QKI: variants seen among roughly 807,000 people sequenced by gnomAD.
QKI encodes QKI, KH domain containing RNA binding.
Under a neutral mutation model 39.0 loss-of-function variants are expected in QKI, and 10 were observed. The ratio of observed to expected loss-of-function variants is 0.26; its 90% CI spans 0.16 to 0.43. QKI has a LOEUF of 0.43. Ranked by LOEUF, QKI falls within the 20% of genes least tolerant of loss-of-function variation. The pLI is 1.00. For missense variants in QKI, 218 were observed against 428.0 expected (o/e 0.51, Z 4.33); for synonymous variants, 204 against 155.4 (o/e 1.31, Z -2.33).
rs557300894 is a variant in QKI, at chr6:163,576,984, A to G, written c.*6274A>G. 6.6e-5 allele frequency: 10 copies of G among 152,298 alleles called. No individual in the cohort carries two copies. Among genetic ancestry groups the G allele is most frequent in the Non-Finnish European group, 1.5e-4 (10 of 68,016 alleles). The allele number at this position is 152,298 out of a possible 1,614,324, so 9.4% of individuals were successfully genotyped here. A position where few individuals can be genotyped will look rare whatever the true frequency, so the allele number is the denominator to read the frequency against. On this transcript the variant is annotated 3_prime_UTR_variant, in exon 8 of 8. Transcript: ENST00000361752. ...ATCTTTAATAAATGGTACAGTTTTT[A>G]TGTAGTTTTCGAATGTAAGAAGAAA...
chr6:163,501,178 C>T (rs1288111581), intron 3 of QKI, among the ~76,000 whole-genome samples: 3 of 151,732 alleles, frequency 2.0e-5, no homozygotes, highest in Admixed American at 6.6e-5. Flanking sequence ...TGAATTAAGG[C>T]GTGTTCTTTG....
intron 3 of QKI, among the ~76,000 whole-genome samples, chr6:163,527,607 CAG>C (rs1780594645): frequency 6.6e-6 from 1 of 152,106 alleles, no homozygotes; most frequent in South Asian, 2.1e-4. Context: ...GTTGTTCAAA[CAG>C]ATATTGTAAT....
At chr6:163,509,851 A>G (rs1478167368) in intron 3 of QKI, among the ~76,000 whole-genome samples, 1 of 152,172 alleles carries the variant, frequency 6.6e-6, no homozygotes, top group Non-Finnish European at 1.5e-5. Flanking sequence ...CAAAAATTCC[A>G]TTAAATAGAA....
intron 6 of QKI, 52 bp downstream of exon 6, chr6:163,563,771 G>A (rs201095923): frequency 6.5e-7 from 1 of 1,549,114 alleles, no homozygotes; most frequent in East Asian, 2.3e-5. Context: ...AAATATTTTT[G>A]CTCCCTCAGA....
chr6:163,522,238 T>C (rs1363641447), intron 3 of QKI, among the ~76,000 whole-genome samples: 2 of 152,176 alleles, frequency 1.3e-5, no homozygotes, highest in Admixed American at 1.3e-4. Context: ...ACTCCCTCAA[T>C]TGCAAATAAA....
In QKI at chr6:163,555,509, C is replaced by CAAAAAAA. The variant is rs55958646; in HGVS notation, c.547-6458_547-6452dup. On this transcript the variant is annotated intron_variant, in intron 4 of 7. Transcript: ENST00000361752. ...CTAGCGACAGAGCGAAACTCCAGCT[C>CAAAAAAA]AAAAAAAAAAAAAAAAAAAAAGCCT... 1.5e-4 allele frequency among the ~76,000 whole-genome samples: 12 copies of CAAAAAAA among 79,378 alleles called. 2 individuals carry two copies. The highest frequency in any genetic ancestry group is 3.6e-4 in the East Asian group (1 of 2,806). 52.1% of individuals were successfully genotyped at this position (79,378 alleles called of 152,430 possible). A position where few individuals can be genotyped will look rare whatever the true frequency, so the allele number is the denominator to read the frequency against.
chr6:163,524,719 G>A (rs905251564), intron 3 of QKI, among the ~76,000 whole-genome samples: 8 of 151,948 alleles, frequency 5.3e-5, no homozygotes, highest in Admixed American at 2.0e-4. Context: ...TACCTGCCCC[G>A]GCCTCCCAAA....
intron 3 of QKI, among the ~76,000 whole-genome samples, chr6:163,526,505 G>T (rs1236426718): frequency 1.3e-5 from 2 of 152,142 alleles, no homozygotes; most frequent in African/African-American, 2.4e-5. Flanking sequence ...TTTTATGTGG[G>T]TGCTTGTTAG....
At chr6:163,424,937 A>G (rs891590926) in intron 1 of QKI, among the ~76,000 whole-genome samples, 2 of 152,150 alleles carry the variant, frequency 1.3e-5, no homozygotes, top group South Asian at 2.1e-4. Flanking sequence ...GGCCTGCGTC[A>G]TCTGCTTTCT....
At chr6:163,429,344 TC>T (rs919895187) in intron 1 of QKI, among the ~76,000 whole-genome samples, 10 of 151,566 alleles carry the variant, frequency 6.6e-5, no homozygotes, top group East Asian at 3.9e-4. Flanking sequence ...TTCCTTGTAG[TC>T]CCCCCCCACC....
At chr6:163,479,365 TC>T (rs1339941460) in intron 3 of QKI, among the ~76,000 whole-genome samples, 8 of 152,234 alleles carry the variant, frequency 5.3e-5, no homozygotes, top group African/African-American at 9.6e-5. Flanking sequence ...CCCTTGTTTT[TC>T]TTTTTTCTTT....
At chr6:163,422,178 A>T (rs1320792855) in intron 1 of QKI, among the ~76,000 whole-genome samples, 1 of 152,116 alleles carries the variant, frequency 6.6e-6, no homozygotes, top group Non-Finnish European at 1.5e-5. Flanking sequence ...AATTAGCAAG[A>T]AAAGGACTGC....
chr6:163,479,419 T>C (rs1378563084), intron 3 of QKI, among the ~76,000 whole-genome samples: 2 of 152,232 alleles, frequency 1.3e-5, no homozygotes, highest in Non-Finnish European at 2.9e-5. Context: ...TCACCCAGGC[T>C]GGAGTGCAGT....
At chr6:163,445,828 A>G (rs949445108) in intron 1 of QKI, among the ~76,000 whole-genome samples, 1 of 152,102 alleles carries the variant, frequency 6.6e-6, no homozygotes, top group African/African-American at 2.4e-5. Context: ...GTTAGCCAGG[A>G]TGGTCTCGAT....
chr6:163,517,094 T>TCTCTCTCTCTAG (rs796976137), intron 3 of QKI, among the ~76,000 whole-genome samples: 25 of 149,546 alleles, frequency 1.7e-4, no homozygotes, highest in African/African-American at 6.4e-4. Context: ...TCTCTCTCTC[T>TCTCTCTCTCTAG]CTCTCTCTAG....
intron 2 of QKI, among the ~76,000 whole-genome samples, chr6:163,472,855 G>A (rs1002492560): frequency 2.4e-4 from 37 of 152,148 alleles, no homozygotes; most frequent in African/African-American, 8.7e-4. Flanking sequence ...CAGCTTAGAG[G>A]TATATGTAAA....
At chr6:163,446,499 G>A (rs1034369683) in intron 1 of QKI, among the ~76,000 whole-genome samples, 1 of 151,864 alleles carries the variant, frequency 6.6e-6, no homozygotes, top group East Asian at 1.9e-4. Flanking sequence ...CATCTTCTTC[G>A]GATATTCATT....
At chr6:163,568,796 T>A in intron 7 of QKI, 3 of 985,106 alleles carry the variant, frequency 3.0e-6, no homozygotes, top group Non-Finnish European at 3.6e-6. Flanking sequence ...ACTCACCTCT[T>A]TATATATATT....
In QKI at chr6:163,577,130, T is replaced by C. The variant is rs1777625446; in HGVS notation, c.*6420T>C. 6.6e-6 allele frequency: 1 copy of C among 152,198 alleles called. No homozygotes were observed. The highest frequency in any genetic ancestry group is 2.4e-5 in the African/African-American group (1 of 41,446). The allele number at this position is 152,198 out of a possible 1,614,324, so 9.4% of individuals were successfully genotyped here. On this transcript the variant is annotated 3_prime_UTR_variant, in exon 8 of 8. Transcript: ENST00000361752. ...CAGTAGTGTGAAACCTTTACGAGTC[T>C]TTAACATCTAAATGTTATGACTCCT...
Sources: allele counts gnomAD v4.1 joint callset (sites outside exome capture counted in the v4.1 genomes callset), GRCh38; gene constraint gnomAD v4.1.1; transcripts MANE v1.5; gene names NCBI Gene and HGNC (gene_info 2026-07-23, HGNC 2026-07-21).